NECAB1: variants seen among roughly 807,000 people sequenced by gnomAD.
NECAB1 encodes the protein N-terminal EF-hand calcium binding protein 1, also known as N-terminal EF-hand calcium-binding protein 1.
A neutral mutation model predicts 57.5 loss-of-function variants in NECAB1; 29 were observed. The observed-to-expected ratio is 0.50, with a 90% CI of 0.38 to 0.69. The LOEUF (loss-of-function observed/expected upper bound fraction) is 0.69, where lower values mean the gene tolerates loss of function less well. Among genes scored for constraint, NECAB1 ranks in the 30% least tolerant of loss-of-function variants. The pLI is 0.00. For synonymous variants in NECAB1, 142 were observed against 147.7 expected, an observed-to-expected ratio of 0.96 and a Z score of 0.28; for missense variants, 372 against 413.8, an observed-to-expected ratio of 0.90 and a Z score of 0.88.
chr8:90,792,009 G>C (rs1357126308), intron 1 of NECAB1, 24 bp downstream of exon 1: 1 of 1,540,980 alleles, frequency 6.5e-7, no homozygotes, highest in East Asian at 2.5e-5. Context: ...GTGGGAGCTG[G>C]GCGGTTGCTT....
chr8:90,792,323 C>T (rs1195768646), intron 1 of NECAB1, among the ~76,000 whole-genome samples: 2 of 152,158 alleles, frequency 1.3e-5, no homozygotes, highest in African/African-American at 4.8e-5. Context: ...GAGGTGGGGA[C>T]AGTGTCCCAA....
At chr8:90,830,023 G>A (rs1812278955) in intron 3 of NECAB1, among the ~76,000 whole-genome samples, 1 of 151,998 alleles carries the variant, frequency 6.6e-6, no homozygotes, top group Non-Finnish European at 1.5e-5. Context: ...TATTTGTGCA[G>A]GCAGATACAT....
chr8:90,814,397 T>C (rs1382725158), intron 2 of NECAB1, among the ~76,000 whole-genome samples: 1 of 152,154 alleles, frequency 6.6e-6, no homozygotes, highest in Non-Finnish European at 1.5e-5. Context: ...CTTTTCATAC[T>C]TTACTCTGTA....
At chr8:90,896,395 G>C (rs1399401548) in intron 5 of NECAB1, among the ~76,000 whole-genome samples, 1 of 152,128 alleles carries the variant, frequency 6.6e-6, no homozygotes, top group Non-Finnish European at 1.5e-5. Context: ...ACAAGGTCAG[G>C]AGATCGAGAC....
At chr8:90,840,850 G>A (rs1812441949) in intron 3 of NECAB1, among the ~76,000 whole-genome samples, 1 of 151,704 alleles carries the variant, frequency 6.6e-6, no homozygotes, top group Admixed American at 6.6e-5. Flanking sequence ...TCTTCTTTGG[G>A]GGATGTTGCT....
intron 5 of NECAB1, chr8:90,903,781 T>C (rs984806348): frequency 6.6e-6 from 1 of 152,186 alleles, no homozygotes; most frequent in Non-Finnish European, 1.5e-5. Context: ...CAAAGACTTC[T>C]CAGAGGCCAA....
intron 6 of NECAB1, 102 bp from the exon 7 acceptor site, chr8:90,925,433 C>A: frequency 7.6e-7 from 1 of 1,318,806 alleles, no homozygotes; most frequent in Non-Finnish European, 1.0e-6. Flanking sequence ...TTTCATTTTG[C>A]TGCACTAGAA....
At chr8:90,892,960 T>C (rs1353088912) in intron 5 of NECAB1, among the ~76,000 whole-genome samples, 4 of 152,162 alleles carry the variant, frequency 2.6e-5, no homozygotes, top group African/African-American at 9.7e-5. Flanking sequence ...TTCCACCTCG[T>C]GCCAGTCCTT....
At chr8:90,888,019 T>C (rs1366709926) in intron 5 of NECAB1, among the ~76,000 whole-genome samples, 1 of 152,128 alleles carries the variant, frequency 6.6e-6, no homozygotes, top group African/African-American at 2.4e-5. Flanking sequence ...TTTTTCATGA[T>C]TGTTTTCTAT....
intron 8 of NECAB1, among the ~76,000 whole-genome samples, chr8:90,932,192 A>T (rs1810428064): frequency 1.3e-5 from 2 of 152,196 alleles, no homozygotes; most frequent in African/African-American, 4.8e-5. Flanking sequence ...TTACTAGGCT[A>T]CAGTTTCTAT....
chr8:90,872,005 C>A, intron 3 of NECAB1, 123 bp from the exon 4 acceptor site: 1 of 710,942 alleles, frequency 1.4e-6, no homozygotes, highest in Admixed American at 3.1e-5. Flanking sequence ...AAGAGAAATA[C>A]CTTAACTACA....
intron 2 of NECAB1, among the ~76,000 whole-genome samples, chr8:90,820,084 G>GT (rs1812121166): frequency 1.3e-5 from 2 of 151,844 alleles, no homozygotes; most frequent in Admixed American, 6.6e-5. Flanking sequence ...CCATTAAAGG[G>GT]TCCCTCTCAG....
intron 3 of NECAB1, among the ~76,000 whole-genome samples, chr8:90,835,456 T>C (rs1198602541): frequency 9.2e-5 from 14 of 152,200 alleles, no homozygotes; most frequent in East Asian, 5.8e-4. Context: ...TTTCCTTTCA[T>C]TGGACCACAA....
chr8:90,838,746 C>T (rs1452441756), intron 3 of NECAB1, among the ~76,000 whole-genome samples: 9 of 152,182 alleles, frequency 5.9e-5, no homozygotes, highest in Admixed American at 6.5e-5. Context: ...TATAACAAAA[C>T]GAAGTTGAAT....
intron 3 of NECAB1, among the ~76,000 whole-genome samples, chr8:90,859,398 T>G (rs1037665531): frequency 6.6e-6 from 1 of 152,116 alleles, no homozygotes; most frequent in Non-Finnish European, 1.5e-5. Context: ...AGATGGGAGA[T>G]AAGTCTCAAA....
At chr8:90,887,144 G>A (rs574043946) in intron 5 of NECAB1, among the ~76,000 whole-genome samples, 17 of 152,168 alleles carry the variant, frequency 1.1e-4, no homozygotes, top group Middle Eastern at 3.4e-3. Context: ...ATTACAGCTT[G>A]AACATCGAGA....
intron 6 of NECAB1, among the ~76,000 whole-genome samples, chr8:90,924,753 C>A (rs1181236017): frequency 6.6e-6 from 1 of 152,154 alleles, no homozygotes; most frequent in Non-Finnish European, 1.5e-5. Context: ...CTAGCTGAAT[C>A]TGTACTTTTA....
In NECAB1 at chr8:90,955,811, G is replaced by A; in HGVS notation, c.*299G>A. The A allele has an allele frequency of 7.0e-6, 2 of 283,990 alleles. No individual in the cohort carries two copies. Among genetic ancestry groups the A allele is most frequent in the South Asian group, 1.0e-4 (1 of 9,820 alleles). The allele number at this position is 283,990 out of a possible 1,614,324, so 17.6% of individuals were successfully genotyped here. On this transcript the variant is annotated 3_prime_UTR_variant, in exon 13 of 13. Coordinates refer to ENST00000417640, the MANE Select transcript of NECAB1 (RefSeq NM_022351.5). ...ATGTGGAAAAAAGCATATGCATAAA[G>A]GAATAATATTGTGAAAATGAATCTG...
chr8:90,869,391 T>C (rs1475060024), intron 3 of NECAB1, among the ~76,000 whole-genome samples: 1 of 152,162 alleles, frequency 6.6e-6, no homozygotes, highest in Non-Finnish European at 1.5e-5. Flanking sequence ...ACTGACGAGT[T>C]TCACTGTGTA....
Sources: gnomAD v4.1 joint callset for allele counts (sites outside exome capture counted in the v4.1 genomes callset) on GRCh38, gnomAD v4.1.1 for gene constraint, MANE v1.5 for transcripts, NCBI Gene and HGNC (gene_info 2026-07-23, HGNC 2026-07-21) for gene names.